The following SEMA3B variants were observed in gnomAD, a reference collection of about 807,000 sequenced individuals.
SEMA3B encodes semaphorin 3B, also known as semaphorin-3B.
In SEMA3B, 71 loss-of-function variants were observed where a neutral mutation model predicts 77.8. The observed-to-expected ratio is 0.91, with a 90% CI of 0.75 to 1.11. SEMA3B has a LOEUF of 1.11. Ranked by LOEUF, SEMA3B falls within the 50% of genes most tolerant of loss-of-function variation. The probability of loss-of-function intolerance (pLI) is 0.00; values close to 1 mark genes in which losing one functional copy is unlikely to be tolerated. For synonymous variants in SEMA3B, 470 were observed against 452.9 expected, an observed-to-expected ratio of 1.04 and a Z score of -0.48; for missense variants, 968 against 1,056.8, an observed-to-expected ratio of 0.92 and a Z score of 1.17.
rs1553705075 is a variant in SEMA3B, at chr3:50,270,109, C to T, written c.110-18C>T. On this transcript the variant is annotated intron_variant, in intron 1 of 16. Transcript: ENST00000616701. This position sits in a 1 kb window ranked among gnomAD's most constrained non-coding sequence, Gnocchi z 4.7. ...TCCAGCATGGCTGGCGAGTCATCAG[C>T]AGTGTCCTGCCCTGCAGAGCTCCAG... 1 of 1,527,562 alleles carries T rather than the reference C, an allele frequency of 6.5e-7. No homozygotes were observed. The highest frequency in any genetic ancestry group is 8.8e-7 in the Non-Finnish European group (1 of 1,135,438). The allele number at this position is 1,527,562 out of a possible 1,614,324, so 94.6% of individuals were successfully genotyped here.
At chr3:50,271,058 C>G in intron 4 of SEMA3B, 30 bp from the exon 5 acceptor site, 1 of 1,576,904 alleles carries the variant, frequency 6.3e-7, no homozygotes, top group Non-Finnish European at 8.6e-7. Flanking sequence ...TAAGAAGGGC[C>G]TGGTAGTCAC....
In SEMA3B at chr3:50,275,491, G is replaced by A; in HGVS notation, c.1649+32G>A. ...GGGGTCGGGGTTGGGCCGCCGGGAG[G>A]GAGGCGAAGGGTCTTTCACTGCCCG... On this transcript the variant is annotated intron_variant, in intron 14 of 16. Coordinates refer to ENST00000616701, the MANE Select transcript of SEMA3B (RefSeq NM_001290060.2). This position sits in a 1 kb window ranked among gnomAD's most constrained non-coding sequence, Gnocchi z 7.5. 6.2e-7 allele frequency: 1 copy of A among 1,607,166 alleles called. No individual in the cohort carries two copies.
At chr3:50,265,449 C>T (rs587770283), upstream of SEMA3B, among the ~76,000 whole-genome samples, 214 of 152,214 alleles carry the variant, frequency 1.4e-3, no homozygotes, top group Non-Finnish European at 2.2e-3. Flanking sequence ...GGCAAAGGGG[C>T]AGGCCCAGCT....
rs1553706607 is a variant in SEMA3B, at chr3:50,276,009, C to A, written c.1845+165C>A. On this transcript the variant is annotated intron_variant, in intron 16 of 16. Coordinates refer to ENST00000616701, the MANE Select transcript of SEMA3B (RefSeq NM_001290060.2). The surrounding 1 kb of genome is among the most constrained non-coding windows in gnomAD (Gnocchi z 5.8). The stretch of plus-strand genomic sequence containing the variant: ...CAAGCTGCTGAGGCCCCATTGCGTC[C>A]AACGGGGCTCCCGACCCGCCTCCCC... 5.8e-6 allele frequency: 6 copies of A among 1,027,142 alleles called. No homozygotes were observed. Among genetic ancestry groups the A allele is most frequent in the Non-Finnish European group, 4.1e-6 (3 of 731,002 alleles). 63.6% of individuals were successfully genotyped at this position (1,027,142 alleles called of 1,614,324 possible).
Position 50,271,403 on chromosome 3 carries a change from G to T in SEMA3B, c.587G>T (p.Arg196Leu). 6.3e-7 allele frequency: 1 copy of T among 1,591,176 alleles called. No individual in the cohort carries two copies. The highest frequency in any genetic ancestry group is 1.1e-5 in the South Asian group (1 of 87,076). Reference protein sequence around the residue: ...YSGVAADLMGRDFTIFRSLGQ... With the variant: ...YSGVAADLMGLDFTIFRSLGQ... ...GGGGTGGCAGCAGACCTCATGGGACGAGACTTTACCATCTTTCGCAGCCTA... is the reference window on the plus strand; with the variant it reads ...GGGGTGGCAGCAGACCTCATGGGACTAGACTTTACCATCTTTCGCAGCCTA... Residue 196 changes from arginine to leucine, a missense_variant, in exon 6 of 17, where the codon CGA (arginine) becomes CTA (leucine). Arg to Leu is a moderately radical substitution (Grantham distance 102, BLOSUM62 -2). Transcript: ENST00000616701.
chr3:50,276,261 C>A lies in SEMA3B; in HGVS notation c.1846-41C>A. 6.9e-7 allele frequency: 1 copy of A among 1,442,494 alleles called. No homozygotes were observed. Among genetic ancestry groups the A allele is most frequent in the Non-Finnish European group, 9.1e-7 (1 of 1,102,482 alleles). 89.4% of individuals were successfully genotyped at this position (1,442,494 alleles called of 1,614,324 possible). On this transcript the variant is annotated intron_variant, in intron 16 of 16. Transcript: ENST00000616701. This position sits in a 1 kb window ranked among gnomAD's most constrained non-coding sequence, Gnocchi z 5.8. ...GTGCTAGGGCCCGGAAGCCCTGTTC[C>A]CGGCCCGACACCCCCGCCTCACGCT...
chr3:50,273,154 C>G lies in SEMA3B; in HGVS notation c.665-144C>G. On this transcript the variant is annotated intron_variant, in intron 6 of 16. Transcript: ENST00000616701. The surrounding 1 kb of genome is among the most constrained non-coding windows in gnomAD (Gnocchi z 6.5). ...GGATTCGGTCCGCGCAGAGCGCCAA[C>G]TGGACATGGTGCTAGAGGTTGGGTG... is the stretch of plus-strand genomic sequence containing the variant. 7.8e-7 allele frequency: 1 copy of G among 1,277,964 alleles called. No individual in the cohort carries two copies. The highest frequency in any genetic ancestry group is 2.8e-5 in the Admixed American group (1 of 35,194). 79.2% of individuals were successfully genotyped at this position (1,277,964 alleles called of 1,614,324 possible).
chr3:50,263,045 C>T (rs61753398), upstream of SEMA3B: 147 of 152,400 alleles, frequency 9.6e-4, no homozygotes, highest in Non-Finnish European at 1.6e-3. Context: ...CGGGTGACAG[C>T]CAAGGTGGAT....
Position 50,274,095 on chromosome 3 carries a change from A to G in SEMA3B, c.1137+38A>G, listed in dbSNP as rs1420834951. ...GGGACTTCTGCTACAACCCACTTCA[A>G]AGCCTCAAGGGTTTGAGAACTTGGC... On this transcript the variant is annotated intron_variant, in intron 10 of 16. Coordinates refer to ENST00000616701, the MANE Select transcript of SEMA3B (RefSeq NM_001290060.2). This position sits in a 1 kb window ranked among gnomAD's most constrained non-coding sequence, Gnocchi z 4.7. 6.2e-7 allele frequency: 1 copy of G among 1,603,450 alleles called. No individual in the cohort carries two copies. Among genetic ancestry groups the G allele is most frequent in the Non-Finnish European group, 8.5e-7 (1 of 1,176,888 alleles).
Position 50,276,238 on chromosome 3 carries a change from G to A in SEMA3B, c.1846-64G>A. ...TGACTCTTTGCTTCTTCCGTCGCGTGCTAGGGCCCGGAAGCCCTGTTCCCG... is the reference window on the plus strand; with the variant it reads ...TGACTCTTTGCTTCTTCCGTCGCGTACTAGGGCCCGGAAGCCCTGTTCCCG... On this transcript the variant is annotated intron_variant, in intron 16 of 16. Coordinates refer to ENST00000616701, the MANE Select transcript of SEMA3B (RefSeq NM_001290060.2). This position sits in a 1 kb window ranked among gnomAD's most constrained non-coding sequence, Gnocchi z 5.8. The A allele has an allele frequency of 7.0e-7, 1 of 1,427,654 alleles. No individual in the cohort carries two copies. Among genetic ancestry groups the A allele is most frequent in the Non-Finnish European group, 9.1e-7 (1 of 1,095,478 alleles). The allele number at this position is 1,427,654 out of a possible 1,614,324, so 88.4% of individuals were successfully genotyped here. A position where few individuals can be genotyped will look rare whatever the true frequency, so the allele number is the denominator to read the frequency against.
At position 50,273,363 on chromosome 3, in the gene SEMA3B, T is replaced by C. The variant is rs373347159; in HGVS notation, c.730T>C (p.Phe244Leu). 12 of 1,613,876 alleles carry C rather than the reference T, an allele frequency of 7.4e-6. No homozygotes were observed. The African/African-American group carries it at 1.3e-4, about 18-fold the overall frequency. Residue 244 changes from phenylalanine (F) to leucine (L), a missense_variant, in exon 7 of 17, where the codon TTC becomes CTC. Coordinates refer to ENST00000616701, the MANE Select transcript of SEMA3B (RefSeq NM_001290060.2). This position sits in a 1 kb window ranked among gnomAD's most constrained non-coding sequence, Gnocchi z 6.5. ...SENPDDDKIY[F>L]FFRETAVEAA... The stretch of plus-strand genomic sequence containing the variant: ...GAACCCAGACGACGACAAAATCTAC[T>C]TCTTCTTTCGTGAGACGGCGGTAGA...
Position 50,271,157 on chromosome 3 carries a change from C to T in SEMA3B, c.520C>T (p.His174Tyr). The T allele has an allele frequency of 6.3e-7, 1 of 1,580,532 alleles. No homozygotes were observed. Residue 174 changes from histidine (H) to tyrosine (Y), a missense_variant, in exon 5 of 17, where the codon CAT becomes TAT. Coordinates refer to ENST00000616701, the MANE Select transcript of SEMA3B (RefSeq NM_001290060.2). ...GGGGAAGAGTCCTTATGACCCCAGGCATCGGGCTGCCTCCGTGCTGGTGGG... is the reference window on the plus strand; with the variant it reads ...GGGGAAGAGTCCTTATGACCCCAGGTATCGGGCTGCCTCCGTGCTGGTGGG... ...GKGKSPYDPRHRAASVLVGEE... is the reference protein window; with the variant it reads ...GKGKSPYDPRYRAASVLVGEE...
At position 50,276,643 on chromosome 3, in the gene SEMA3B, C is replaced by G. The variant is rs113616257; in HGVS notation, c.2187C>G (p.Asn729Lys). 1.9e-6 allele frequency: 3 copies of G among 1,595,008 alleles called. No homozygotes were observed. The highest frequency in any genetic ancestry group is 1.7e-5 in the Admixed American group (1 of 58,962). Reference sequence around the variant, plus strand: ...TGGAGTCGCGGAGAAAGGGCCGTAACCGGAGGACCCACGCCCCTGAGCCTC... The same window carrying G: ...TGGAGTCGCGGAGAAAGGGCCGTAAGCGGAGGACCCACGCCCCTGAGCCTC... ...LPLESRRKGR[N>K]RRTHAPEPRA... Residue 729 changes from asparagine (N) to lysine (K), a missense_variant, in exon 17 of 17, where the codon AAC becomes AAG. Asn to Lys is a moderately conservative substitution (Grantham distance 94). Transcript: ENST00000616701. The surrounding 1 kb of genome is among the most constrained non-coding windows in gnomAD (Gnocchi z 5.8).
At chr3:50,271,249 C>T in intron 5 of SEMA3B, 68 bp downstream of exon 5, 1 of 1,546,020 alleles carries the variant, frequency 6.5e-7, no homozygotes, top group Admixed American at 2.0e-5. Context: ...AGTCCCAAGA[C>T]CCCCAAGAGC....
chr3:50,276,923 C>T lies in SEMA3B; in HGVS notation c.*217C>T, dbSNP rs1229434063. 7.6e-6 allele frequency: 4 copies of T among 524,396 alleles called. No homozygotes were observed. Among genetic ancestry groups the T allele is most frequent in the African/African-American group, 4.0e-5 (2 of 49,782 alleles). The allele number at this position is 524,396 out of a possible 1,614,324, so 32.5% of individuals were successfully genotyped here. A position where few individuals can be genotyped will look rare whatever the true frequency, so the allele number is the denominator to read the frequency against. ...GCAGCCCCGGGAGGGCGGCACAGGT[C>T]GGGCGCAGGATTCAGCCGGAGGGAA... On this transcript the variant is annotated 3_prime_UTR_variant, in exon 17 of 17. Coordinates refer to ENST00000616701, the MANE Select transcript of SEMA3B (RefSeq NM_001290060.2). This position sits in a 1 kb window ranked among gnomAD's most constrained non-coding sequence, Gnocchi z 5.8.
intron 6 of SEMA3B, among the ~76,000 whole-genome samples, chr3:50,272,305 T>G (rs1701073242): frequency 1.3e-5 from 2 of 152,252 alleles, no homozygotes; most frequent in Admixed American, 1.3e-4. Flanking sequence ...GTGGGCACAG[T>G]GGCTCACACC....
chr3:50,276,585 G>A lies in SEMA3B; in HGVS notation c.2129G>A (p.Cys710Tyr). 1.3e-6 allele frequency: 2 copies of A among 1,561,170 alleles called. No individual in the cohort carries two copies. The highest frequency in any genetic ancestry group is 1.7e-6 in the Non-Finnish European group (2 of 1,159,462). The change falls in exon 17 of 17, where the codon TGC becomes TAC. Residue 710 changes from cysteine (C) to tyrosine (Y), a missense_variant. Transcript: ENST00000616701. The surrounding 1 kb of genome is among the most constrained non-coding windows in gnomAD (Gnocchi z 5.8). ...GGCAGCGCGAACTCCCTGCGCATGT[G>A]CCGCCCGCAGCCTGCGCTGCAGTCA... ...GGGSANSLRM[C>Y]RPQPALQSLP...
Position 50,271,469 on chromosome 3 carries a change from G to C in SEMA3B, c.653G>C (p.Arg218Pro). The C allele has an allele frequency of 6.4e-7, 1 of 1,565,530 alleles. No individual in the cohort carries two copies. Among genetic ancestry groups the C allele is most frequent in the Admixed American group, 1.9e-5 (1 of 52,524 alleles). ...CTCCGAACAGAGCCACACGACTCCCGCTGGCTCAATGGTGAGAGGCTGGTG... is the reference window on the plus strand; with the variant it reads ...CTCCGAACAGAGCCACACGACTCCCCCTGGCTCAATGGTGAGAGGCTGGTG... ...PSLRTEPHDS[R>P]WLNEPKFVKV... Residue 218 changes from arginine to proline, a missense_variant, in exon 6 of 17, where the codon CGC becomes CCC. Transcript: ENST00000616701.
In SEMA3B at chr3:50,270,412, T is replaced by C; in HGVS notation, c.268-21T>C. On this transcript the variant is annotated intron_variant, in intron 2 of 16. Transcript: ENST00000616701. This position sits in a 1 kb window ranked among gnomAD's most constrained non-coding sequence, Gnocchi z 4.7. ...TCCCAAGTTCCTGACCTGTGTCCCC[T>C]CTCCCCCAACCTCCCGATAGCTGGC... 1 of 1,613,546 alleles carries C rather than the reference T, an allele frequency of 6.2e-7. No homozygotes were observed. Among genetic ancestry groups the C allele is most frequent in the Non-Finnish European group, 8.5e-7 (1 of 1,179,782 alleles).
Sources: gnomAD v4.1 joint callset for allele counts (sites outside exome capture counted in the v4.1 genomes callset) on GRCh38, gnomAD v4.1.1 for gene constraint, Gnocchi (gnomAD v3.1) non-coding constraint, MANE v1.5 for transcripts, NCBI Gene and HGNC (gene_info 2026-07-23, HGNC 2026-07-21) for gene names.